RAB5C: variants seen among roughly 807,000 people sequenced by gnomAD.
RAB5C encodes the protein RAB5C, member RAS oncogene family.
A neutral mutation model predicts 25.2 loss-of-function variants in RAB5C; 4 were observed. The ratio of observed to expected loss-of-function variants is 0.16; its 90% CI spans 0.08 to 0.36. The LOEUF is 0.36. RAB5C is among the 10% of genes least tolerant of loss of function. The probability of loss-of-function intolerance (pLI) is 1.00; values close to 1 mark genes in which losing one functional copy is unlikely to be tolerated. For synonymous variants in RAB5C, 100 were observed against 106.4 expected (o/e 0.94, Z 0.37); for missense variants, 199 against 283.8 (o/e 0.70, Z 2.15).
At chr17:42,142,184 C>G in intron 1 of RAB5C, among the ~76,000 whole-genome samples, 1 of 149,752 alleles carries the variant, frequency 6.7e-6, no homozygotes, top group Admixed American at 6.6e-5. Flanking sequence ...AAAAAAGCCC[C>G]ATTAACACAA....
intron 1 of RAB5C, among the ~76,000 whole-genome samples, chr17:42,142,299 T>C (rs1424197214): frequency 1.3e-5 from 2 of 151,886 alleles, no homozygotes; most frequent in Non-Finnish European, 2.9e-5. Flanking sequence ...CCTCCCAAAG[T>C]ACTGAGATTA....
chr17:42,134,980 G>A (rs1332803305), intron 1 of RAB5C, among the ~76,000 whole-genome samples: 1 of 134,936 alleles, frequency 7.4e-6, no homozygotes, highest in Non-Finnish European at 1.6e-5. Flanking sequence ...TTTTTCTTAA[G>A]TTTTTTTTTT....
At chr17:42,130,240 G>A (rs1427812481) in intron 2 of RAB5C, 97 bp downstream of exon 2, 3 of 1,490,680 alleles carry the variant, frequency 2.0e-6, no homozygotes, top group African/African-American at 2.8e-5. Context: ...GACGCATTTA[G>A]TCCCTAATGC....
intron 1 of RAB5C, chr17:42,131,619 C>T: frequency 5.2e-6 from 8 of 1,534,410 alleles, no homozygotes; most frequent in Non-Finnish European, 7.0e-6. Context: ...CAGTTCCATT[C>T]TCTACTGGCA....
At chr17:42,137,747 C>T (rs8064376) in intron 1 of RAB5C, 52,112 of 151,692 alleles carry the variant, frequency 0.34, 11,700 homozygotes, top group African/African-American at 0.64. Context: ...ATTAGCTGGG[C>T]GTGGTGGCGC....
chr17:42,140,880 T>C (rs1040828406), intron 1 of RAB5C, among the ~76,000 whole-genome samples: 3 of 151,892 alleles, frequency 2.0e-5, no homozygotes. Flanking sequence ...CCAGGTTGGA[T>C]TGCAGTGACG....
chr17:42,145,705 G>A (rs1436027804), intron 1 of RAB5C, among the ~76,000 whole-genome samples: 1 of 152,202 alleles, frequency 6.6e-6, no homozygotes, highest in East Asian at 1.9e-4. Flanking sequence ...GGCTTGAGCC[G>A]AGATTGCACC....
At chr17:42,128,520 A>C in intron 3 of RAB5C, 129 bp downstream of exon 3, 45 of 1,283,860 alleles carry the variant, frequency 3.5e-5, no homozygotes, top group Non-Finnish European at 4.4e-5. Context: ...ATGTCCCCAA[A>C]CAGGAAATCT....
At position 42,125,347 on chromosome 17, in the gene RAB5C, A is replaced by G. The variant is rs1555668472; in HGVS notation, c.*436T>C. On this transcript the variant is annotated 3_prime_UTR_variant, in exon 6 of 6. Coordinates refer to ENST00000346213, the MANE Select transcript of RAB5C (RefSeq NM_004583.4). ...CTTCCCAAGGTCTGCCCCACCGCCCAAACCAAAGACCACTCCGAACAAAGT... is the reference window on the plus strand; with the variant it reads ...CTTCCCAAGGTCTGCCCCACCGCCCGAACCAAAGACCACTCCGAACAAAGT... 1 of 154,904 alleles carries G rather than the reference A, an allele frequency of 6.5e-6. No homozygotes were observed. The highest frequency in any genetic ancestry group is 1.4e-5 in the Non-Finnish European group (1 of 69,572). 9.6% of individuals were successfully genotyped at this position (154,904 alleles called of 1,614,324 possible).
At position 42,152,824 on chromosome 17, in the gene RAB5C, T is replaced by C. The variant is rs1247655680; in HGVS notation, c.-89+2069A>G. On this transcript the variant is annotated intron_variant, in intron 1 of 5. Transcript: ENST00000346213. ...TTTCAGAGTCAGAGCTGGGAGAGCA[T>C]GTCCAGACAAAGAAAAGAAGGTCTC... Among the ~76,000 whole-genome samples, 4 of 150,070 alleles carry C rather than the reference T, an allele frequency of 2.7e-5. No homozygotes were observed. In the South Asian group the frequency reaches 8.4e-4, roughly 32 times the overall value.
At chr17:42,137,161 C>G (rs1391055921) in intron 1 of RAB5C, among the ~76,000 whole-genome samples, 5 of 151,984 alleles carry the variant, frequency 3.3e-5, no homozygotes, top group Admixed American at 6.6e-5. Flanking sequence ...CAAAAATTAG[C>G]TGGGTGTGGT....
At chr17:42,145,036 G>A (rs373692656) in intron 1 of RAB5C, among the ~76,000 whole-genome samples, 56 of 143,822 alleles carry the variant, frequency 3.9e-4, no homozygotes, top group African/African-American at 1.1e-3. Flanking sequence ...GTGGTGGCGC[G>A]CGCCTATAGG....
intron 4 of RAB5C, among the ~76,000 whole-genome samples, chr17:42,127,456 T>C (rs73311650): frequency 0.014 from 2,134 of 152,148 alleles, 25 homozygotes; most frequent in African/African-American, 0.042. Flanking sequence ...GTGATCCATA[T>C]ATACACATAC....
intron 1 of RAB5C, among the ~76,000 whole-genome samples, chr17:42,148,079 CAA>C (rs1237990620): frequency 1.3e-5 from 2 of 148,936 alleles, no homozygotes; most frequent in African/African-American, 2.5e-5. Flanking sequence ...GCCTGGGCAA[CAA>C]GAGCAAAACT....
intron 1 of RAB5C, chr17:42,154,638 C>T (rs2079694792): frequency 6.6e-6 from 1 of 152,256 alleles, no homozygotes; most frequent in African/African-American, 2.4e-5. Flanking sequence ...CTTAGGGTAC[C>T]TCTCTCCCAC....
At chr17:42,147,220 C>T (rs2079643493) in intron 1 of RAB5C, among the ~76,000 whole-genome samples, 1 of 152,076 alleles carries the variant, frequency 6.6e-6, no homozygotes, top group Non-Finnish European at 1.5e-5. Flanking sequence ...CCAAGTACTG[C>T]AGGCACAGGA....
chr17:42,147,126 G>C (rs1188753726), intron 1 of RAB5C, among the ~76,000 whole-genome samples: 1 of 143,354 alleles, frequency 7.0e-6, no homozygotes, highest in Non-Finnish European at 1.5e-5. Context: ...GAAAGAAACA[G>C]AAAGAAAGAA....
chr17:42,140,842 T>C (rs143389002), intron 1 of RAB5C, among the ~76,000 whole-genome samples: 61 of 151,082 alleles, frequency 4.0e-4, no homozygotes, highest in Middle Eastern at 6.9e-3. Flanking sequence ...TCTATATACA[T>C]TTTTGAGACA....
chr17:42,151,102 T>A (rs1323510748), intron 1 of RAB5C, among the ~76,000 whole-genome samples: 1 of 152,094 alleles, frequency 6.6e-6, no homozygotes, highest in Non-Finnish European at 1.5e-5. Context: ...TCTAGTGCCT[T>A]CCACCCGACC....
Sources: allele counts gnomAD v4.1 joint callset (sites outside exome capture counted in the v4.1 genomes callset), GRCh38; gene constraint gnomAD v4.1.1; transcripts MANE v1.5; gene names NCBI Gene and HGNC (gene_info 2026-07-23, HGNC 2026-07-21).